Variants in DNAJC11 observed in about 807,000 individuals in gnomAD.
DNAJC11 encodes DnaJ heat shock protein family (Hsp40) member C11, also known as dnaJ homolog subfamily C member 11.
DNAJC11 carries 15 observed loss-of-function variants against 78.6 expected under a neutral mutation model. The observed-to-expected ratio is 0.19, with a 90% CI of 0.13 to 0.29. The LOEUF is 0.29. DNAJC11 is among the 10% of genes least tolerant of loss of function. The probability of loss-of-function intolerance (pLI) is 1.00; values close to 1 mark genes in which losing one functional copy is unlikely to be tolerated. For missense variants in DNAJC11, 547 were observed against 709.6 expected (o/e 0.77, Z 2.60); for synonymous variants, 292 against 272.1 (o/e 1.07, Z -0.72).
intron 3 of DNAJC11, among the ~76,000 whole-genome samples, chr1:6,674,299 A>G (rs1237835901): frequency 6.6e-6 from 1 of 152,026 alleles, no homozygotes; most frequent in Non-Finnish European, 1.5e-5. Flanking sequence ...GGTGGCTCAC[A>G]TTTGTAATCC....
rs114565881 is a variant in DNAJC11 at position 6,686,613 on chromosome 1, C to T, written c.73-5576G>A. ...ACACACCTCACTTCCACTGACATCACCAGCTAGAACTAGTCCCAAGGTCTC... is the reference window on the plus strand; with the variant it reads ...ACACACCTCACTTCCACTGACATCATCAGCTAGAACTAGTCCCAAGGTCTC... On this transcript the variant is annotated intron_variant, in intron 1 of 15. Transcript: ENST00000377577. Among the ~76,000 whole-genome samples the T allele has an allele frequency of 4.8e-3, 727 of 152,292 alleles. 2 individuals are homozygous for T. Among genetic ancestry groups the T allele is most frequent in the Non-Finnish European group, 7.3e-3 (498 of 68,032 alleles).
At chr1:6,693,491 C>T (rs1471545896) in intron 1 of DNAJC11, among the ~76,000 whole-genome samples, 1 of 152,028 alleles carries the variant, frequency 6.6e-6, no homozygotes, top group Non-Finnish European at 1.5e-5. Context: ...TCAACCAATT[C>T]TCTTGCCTCA....
chr1:6,684,983 C>T (rs1224369415), intron 1 of DNAJC11, among the ~76,000 whole-genome samples: 1 of 152,158 alleles, frequency 6.6e-6, no homozygotes, highest in Non-Finnish European at 1.5e-5. Context: ...AAGTCAATAA[C>T]AGGGCTGGGT....
intron 1 of DNAJC11, among the ~76,000 whole-genome samples, chr1:6,687,588 A>C (rs1024231927): frequency 6.6e-6 from 1 of 151,924 alleles, no homozygotes; most frequent in African/African-American, 2.4e-5. Flanking sequence ...CAATCTCCTG[A>C]CCTCGTGATC....
In DNAJC11 at chr1:6,638,298, G is replaced by A. The variant is rs1352169919; in HGVS notation, c.1320C>T (p.Ser440=). ...DVLQKKQEAE[S]AVRLMQESVR... is the part of the protein sequence containing the mutation. ...GGAACGGTGGGGCAGCACTCACAGC[G>A]GACTCCGCCTCTTGCTTCTTCTGCA... Residue 440 remains serine, a synonymous_variant, in exon 12 of 16, where the codon TCC becomes TCT. Transcript: ENST00000377577. 6.2e-6 allele frequency: 10 copies of A among 1,612,682 alleles called. No homozygotes were observed. In the African/African-American group the frequency reaches 8.0e-5, roughly 13 times the overall value.
chr1:6,666,567 T>C (rs552086427), intron 4 of DNAJC11, among the ~76,000 whole-genome samples: 33 of 151,898 alleles, frequency 2.2e-4, no homozygotes, highest in African/African-American at 7.5e-4. Flanking sequence ...GCCTGGCTAA[T>C]TTTTTTGTAT....
At chr1:6,664,752 A>C (rs1163787602) in intron 4 of DNAJC11, among the ~76,000 whole-genome samples, 2 of 152,224 alleles carry the variant, frequency 1.3e-5, no homozygotes. Context: ...AACTTGGCAC[A>C]GTAGTCAGGA....
intron 1 of DNAJC11, among the ~76,000 whole-genome samples, chr1:6,698,450 C>T (rs1261449015): frequency 1.3e-5 from 2 of 152,082 alleles, no homozygotes. Flanking sequence ...TTCAGAGCTT[C>T]TAATGGAATC....
chr1:6,677,158 C>CAAAAAAAA lies in DNAJC11; in HGVS notation c.276+1228_276+1235dup, dbSNP rs1181692411. Among the ~76,000 whole-genome samples, 8 of 49,468 alleles carry CAAAAAAAA rather than the reference C, an allele frequency of 1.6e-4. 1 individual carries two copies. Among genetic ancestry groups the CAAAAAAAA allele is most frequent in the East Asian group, 6.0e-4 (1 of 1,656 alleles). The allele number at this position is 49,468 out of a possible 152,430, so 32.5% of individuals were successfully genotyped here. On this transcript the variant is annotated intron_variant, in intron 3 of 15. Transcript: ENST00000377577. ...GGGCAACAAGAGCAAAACTTGGTCTCAAAAAAAAAAAAAAAACAAAAAAAA... is the reference window on the plus strand; with the variant it reads ...GGGCAACAAGAGCAAAACTTGGTCTCAAAAAAAAAAAAAAAAAAAAAAAACAAAAAAAA...
At chr1:6,667,891 T>C in intron 3 of DNAJC11, 81 bp from the exon 4 acceptor site, 2 of 1,364,152 alleles carry the variant, frequency 1.5e-6, no homozygotes, top group Admixed American at 3.5e-5. Flanking sequence ...CAGCCATTGA[T>C]TTTGGTGTGT....
At chr1:6,651,223 C>T in intron 7 of DNAJC11, 1 of 608,448 alleles carries the variant, frequency 1.6e-6, no homozygotes, top group Non-Finnish European at 3.2e-6. Flanking sequence ...GTGTTTCGGT[C>T]CACTGACCAA....
At position 6,639,983 on chromosome 1, in the gene DNAJC11, T is replaced by C. The variant is rs936002908; in HGVS notation, c.1172A>G (p.Tyr391Cys). The change falls in exon 11 of 16, where the codon TAT becomes TGT. Residue 391 changes from tyrosine (Y) to cysteine (C), a missense_variant. Tyr to Cys is a radical substitution (Grantham distance 194). Transcript: ENST00000377577. The part of the protein sequence containing the change: ...TDQLLPSAMF[Y>C]ATVGPLVVYF... ...GACCACTAGAGGCCCCACGGTGGCATAGAACATGGCGCTGGGCAGAAGCTG... is the reference window on the plus strand; with the variant it reads ...GACCACTAGAGGCCCCACGGTGGCACAGAACATGGCGCTGGGCAGAAGCTG... The C allele has an allele frequency of 1.0e-5, 16 of 1,605,242 alleles. No homozygotes were observed. The highest frequency in any genetic ancestry group is 3.4e-5 in the Admixed American group (2 of 58,032).
chr1:6,674,442 TTCC>T (rs1177458572), intron 3 of DNAJC11, among the ~76,000 whole-genome samples: 11 of 152,182 alleles, frequency 7.2e-5, no homozygotes, highest in Admixed American at 7.2e-4. Context: ...GCACCTGTAA[TTCC>T]AGCTACTCGG....
chr1:6,676,434 C>A (rs1205140656), intron 3 of DNAJC11, among the ~76,000 whole-genome samples: 1 of 152,180 alleles, frequency 6.6e-6, no homozygotes, highest in Non-Finnish European at 1.5e-5. Flanking sequence ...AATCCCGGCG[C>A]TTTGGGAGGC....
At chr1:6,689,830 A>C (rs1370282061) in intron 1 of DNAJC11, among the ~76,000 whole-genome samples, 1 of 152,130 alleles carries the variant, frequency 6.6e-6, no homozygotes, top group Non-Finnish European at 1.5e-5. Flanking sequence ...GGGCTATGTA[A>C]GGAGGACAGG....
chr1:6,646,319 G>A (rs563491177), intron 7 of DNAJC11, among the ~76,000 whole-genome samples: 3 of 152,318 alleles, frequency 2.0e-5, no homozygotes, highest in Admixed American at 6.5e-5. Flanking sequence ...ATCACCAACG[G>A]AGGGTCTCAT....
chr1:6,638,384 A>C lies in DNAJC11; in HGVS notation c.1254-20T>G. On this transcript the variant is annotated intron_variant, in intron 11 of 15. Transcript: ENST00000377577. ...AATTCCCTTACGCGAGAGGAACACA[A>C]GCCCCACGTTAGCGCGGCGCTGCCC... The C allele has an allele frequency of 6.2e-7, 1 of 1,610,692 alleles. No individual in the cohort carries two copies. The highest frequency in any genetic ancestry group is 8.5e-7 in the Non-Finnish European group (1 of 1,178,188).
intron 10 of DNAJC11, among the ~76,000 whole-genome samples, chr1:6,641,709 G>C (rs1408960718): frequency 6.6e-6 from 1 of 152,080 alleles, no homozygotes; most frequent in Non-Finnish European, 1.5e-5. Flanking sequence ...AGGAGAGATG[G>C]CTGACGCCAG....
chr1:6,681,606 C>T (rs1384407850), intron 1 of DNAJC11, among the ~76,000 whole-genome samples: 1 of 152,138 alleles, frequency 6.6e-6, no homozygotes, highest in Non-Finnish European at 1.5e-5. Context: ...ACCCCCAGAC[C>T]CCCTAAAAAC....
Sources: gnomAD v4.1 joint callset for allele counts (sites outside exome capture counted in the v4.1 genomes callset) on GRCh38, gnomAD v4.1.1 for gene constraint, MANE v1.5 for transcripts, NCBI Gene and HGNC (gene_info 2026-07-23, HGNC 2026-07-21) for gene names.